Variants in CELF5 observed in about 807,000 individuals in gnomAD.
CELF5 encodes the protein CUGBP Elav-like family member 5.
A neutral mutation model predicts 54.9 loss-of-function variants in CELF5; 6 were observed. The ratio of observed to expected loss-of-function variants is 0.11; its 90% confidence interval spans 0.06 to 0.22. The LOEUF is 0.22. Among genes scored for constraint, CELF5 ranks in the 10% least tolerant of loss-of-function variants. The pLI, the probability that CELF5 is intolerant of heterozygous loss-of-function variation, is 1.00. For missense variants in CELF5, 401 were observed against 678.6 expected (o/e 0.59, Z 4.54); for synonymous variants, 271 against 290.9 (o/e 0.93, Z 0.70).
chr19:3,277,875 G>C (rs1286403313), intron 4 of CELF5, among the ~76,000 whole-genome samples, 156 bp from the exon 5 acceptor site: 1 of 152,172 alleles, frequency 6.6e-6, no homozygotes, highest in African/African-American at 2.4e-5. Flanking sequence ...CTGTCCGTCT[G>C]AGCAAACGGC....
intron 1 of CELF5, among the ~76,000 whole-genome samples, chr19:3,242,853 A>G (rs1016287241): frequency 4.6e-5 from 7 of 152,092 alleles, no homozygotes; most frequent in Non-Finnish European, 1.0e-4. Context: ...AATCCCAGCT[A>G]CTCAGGAGGC....
At position 3,284,980 on chromosome 19, in the gene CELF5, C is replaced by G. The variant is rs752332667; in HGVS notation, c.1102+16C>G. 1 of 1,565,040 alleles carries G rather than the reference C, an allele frequency of 6.4e-7. No individual in the cohort carries two copies. Among genetic ancestry groups the G allele is most frequent in the African/African-American group, 1.3e-5 (1 of 74,402 alleles). ...CAGTACACAGGTAGGAGGCAGCCCGCGTGCCCGCGCTGGGCCCTGGCCCCG... is the reference window on the plus strand; with the variant it reads ...CAGTACACAGGTAGGAGGCAGCCCGGGTGCCCGCGCTGGGCCCTGGCCCCG... On this transcript the variant is annotated intron_variant, in intron 9 of 12. Transcript: ENST00000292672.
intron 1 of CELF5, among the ~76,000 whole-genome samples, chr19:3,239,808 C>T (rs892916127): frequency 6.6e-6 from 1 of 152,000 alleles, no homozygotes; most frequent in Non-Finnish European, 1.5e-5. Context: ...TCACTGGCCT[C>T]CAGTCTTCTG....
Position 3,275,683 on chromosome 19 carries a change from G to A in CELF5, c.395-173G>A, listed in dbSNP as rs758034165. 1.2e-4 allele frequency among the ~76,000 whole-genome samples: 19 copies of A among 152,106 alleles called. No homozygotes were observed. Among genetic ancestry groups the A allele is most frequent in the Non-Finnish European group, 2.6e-4 (18 of 68,018 alleles). ...CCGTGGGAGGGTGGAGAGATCCGGGGCAGGGAAAGGGCGCGGCTGGGTCCT... is the reference window on the plus strand; with the variant it reads ...CCGTGGGAGGGTGGAGAGATCCGGGACAGGGAAAGGGCGCGGCTGGGTCCT... On this transcript the variant is annotated intron_variant, in intron 3 of 12. Transcript: ENST00000292672. The surrounding 1 kb of genome is among the most constrained non-coding windows in gnomAD (Gnocchi z 6.7).
chr19:3,225,265 T>C (rs1405976198), intron 1 of CELF5, among the ~76,000 whole-genome samples: 1 of 95,608 alleles, frequency 1.0e-5, no homozygotes, highest in Admixed American at 1.2e-4. Context: ...TCTCTCTCCC[T>C]CTCTCTCTCC....
chr19:3,240,733 C>A (rs1313167555), intron 1 of CELF5, among the ~76,000 whole-genome samples: 1 of 151,994 alleles, frequency 6.6e-6, no homozygotes, highest in Non-Finnish European at 1.5e-5. Context: ...CAAGCAGAAC[C>A]AGGTTGCCTT....
intron 4 of CELF5, 62 bp from the exon 5 acceptor site, chr19:3,277,969 C>G: frequency 7.5e-7 from 1 of 1,335,536 alleles, no homozygotes; most frequent in Non-Finnish European, 1.1e-6. Context: ...TCTCCTGTGG[C>G]CCCCGCTCAG....
At chr19:3,265,122 A>G (rs1356894481) in intron 2 of CELF5, among the ~76,000 whole-genome samples, 1 of 152,130 alleles carries the variant, frequency 6.6e-6, no homozygotes, top group Admixed American at 6.5e-5. Flanking sequence ...GGATTGCTTG[A>G]GCCCAGGAGT....
At chr19:3,285,779 G>A (rs1216662298) in intron 9 of CELF5, among the ~76,000 whole-genome samples, 163 bp from the exon 10 acceptor site, 3 of 125,366 alleles carry the variant, frequency 2.4e-5, no homozygotes, top group Non-Finnish European at 5.2e-5. Context: ...CCGCCCTCTG[G>A]CCTGGCCCCG....
At chr19:3,290,485 C>G in intron 11 of CELF5, 111 bp downstream of exon 11, 1 of 1,194,360 alleles carries the variant, frequency 8.4e-7, no homozygotes, top group Non-Finnish European at 1.2e-6. Flanking sequence ...GAAATAATCA[C>G]AATCAGAACC....
At chr19:3,293,589 T>TG in intron 12 of CELF5, 103 bp downstream of exon 12, 1 of 1,019,868 alleles carries the variant, frequency 9.8e-7, no homozygotes, top group Non-Finnish European at 1.4e-6. Flanking sequence ...GGTGGGGTGA[T>TG]GCTTCAAGAG....
intron 2 of CELF5, among the ~76,000 whole-genome samples, chr19:3,251,928 G>A (rs1193031205): frequency 6.6e-6 from 1 of 152,062 alleles, no homozygotes; most frequent in Non-Finnish European, 1.5e-5. Flanking sequence ...GCACACCTCG[G>A]CCTCCCAAAG....
chr19:3,282,237 C>G lies in CELF5; in HGVS notation c.862C>G (p.Leu288Val). ...GATAGGCGCCGTCAGCCTCAACGGG[C>G]TGCCTGCCACACCCATCGCTCCTGC... is the stretch of plus-strand genomic sequence containing the variant. ...QQIGAVSLNG[L>V]PATPIAPASG... The change falls in exon 7 of 13, where the codon CTG (leucine) becomes GTG (valine). Residue 288 changes from leucine (L) to valine (V), a missense_variant. Physicochemically the swap from Leu to Val is conservative, Grantham distance 32. This residue lies in a region of CELF5 where 143 missense variants were observed against 147.6 expected (regional missense o/e 0.97). Coordinates refer to ENST00000292672, the MANE Select transcript of CELF5 (RefSeq NM_021938.4). The surrounding 1 kb of genome is among the most constrained non-coding windows in gnomAD (Gnocchi z 5.2). 1 of 1,613,160 alleles carries G rather than the reference C, an allele frequency of 6.2e-7. No homozygotes were observed.
chr19:3,246,019 C>T (rs896876344), intron 1 of CELF5, among the ~76,000 whole-genome samples: 4 of 152,224 alleles, frequency 2.6e-5, no homozygotes, highest in African/African-American at 7.2e-5. Context: ...GTTAAACACA[C>T]GCCTGTCTTA....
At chr19:3,271,588 G>A (rs1003601510) in intron 2 of CELF5, among the ~76,000 whole-genome samples, 1 of 152,114 alleles carries the variant, frequency 6.6e-6, no homozygotes, top group Admixed American at 6.6e-5. Context: ...GAAAGCATAT[G>A]TGCCCGGGAC....
At chr19:3,227,328 G>T (rs1182769194) in intron 1 of CELF5, among the ~76,000 whole-genome samples, 1 of 152,194 alleles carries the variant, frequency 6.6e-6, no homozygotes, top group African/African-American at 2.4e-5. Context: ...AAGGGAGGTG[G>T]AATGGTGAAT....
At chr19:3,289,280 A>G (rs141870403) in intron 10 of CELF5, among the ~76,000 whole-genome samples, 2,539 of 152,088 alleles carry the variant, frequency 0.017, 66 homozygotes, top group African/African-American at 0.057. Context: ...TTTTGGCTAG[A>G]CGCAGTGGCT....
intron 1 of CELF5, among the ~76,000 whole-genome samples, chr19:3,236,599 C>A (rs1477515163): frequency 6.6e-6 from 1 of 152,174 alleles, no homozygotes; most frequent in Non-Finnish European, 1.5e-5. Flanking sequence ...AATGTATTCC[C>A]TGTCTCTGTT....
intron 1 of CELF5, 48 bp downstream of exon 1, chr19:3,225,046 C>A: frequency 7.8e-7 from 1 of 1,283,532 alleles, no homozygotes; most frequent in Non-Finnish European, 1.1e-6. Context: ...CCGCCTCCCA[C>A]CCCACCTTCC....
Sources: allele counts gnomAD v4.1 joint callset (sites outside exome capture counted in the v4.1 genomes callset), GRCh38; gene constraint gnomAD v4.1.1; regional missense constraint gnomAD v4.1.1; non-coding constraint Gnocchi (gnomAD v3.1); transcripts MANE v1.5; gene names NCBI Gene and HGNC (gene_info 2026-07-23, HGNC 2026-07-21).